The following KCNIP4 variants were observed in gnomAD, a reference collection of about 807,000 sequenced individuals.
KCNIP4 encodes the protein Kv channel-interacting protein 4.
Under a neutral mutation model 34.0 loss-of-function variants are expected in KCNIP4, and 12 were observed. The ratio of observed to expected loss-of-function variants is 0.35; its 90% confidence interval spans 0.23 to 0.57. The LOEUF is 0.57. KCNIP4 is among the 20% of genes least tolerant of loss of function. KCNIP4 has a pLI of 0.83. For synonymous variants in KCNIP4, 124 were observed against 102.2 expected, an observed-to-expected ratio of 1.21 and a Z score of -1.29; for missense variants, 238 against 311.7, an observed-to-expected ratio of 0.76 and a Z score of 1.78.
At chr4:21,717,373 T>C in intron 1 of KCNIP4, among the ~76,000 whole-genome samples, 1 of 152,308 alleles carries the variant, frequency 6.6e-6, no homozygotes, top group East Asian at 1.9e-4. Context: ...TTTCACAATA[T>C]TATCTATATA....
intron 1 of KCNIP4, among the ~76,000 whole-genome samples, chr4:21,808,490 T>C (rs1272838714): frequency 1.3e-5 from 2 of 152,172 alleles, no homozygotes; most frequent in Non-Finnish European, 2.9e-5. Context: ...AAGAATACAG[T>C]ATATAAAACA....
At chr4:21,240,711 G>C (rs958014100) in intron 1 of KCNIP4, among the ~76,000 whole-genome samples, 1 of 152,266 alleles carries the variant, frequency 6.6e-6, no homozygotes. Context: ...TTGAACTGGA[G>C]AACATGGAAA....
chr4:21,754,921 C>T (rs755514975), intron 1 of KCNIP4, among the ~76,000 whole-genome samples: 91 of 152,082 alleles, frequency 6.0e-4, no homozygotes, highest in Non-Finnish European at 4.6e-4. Flanking sequence ...CCGAGGTGGG[C>T]GGATCACCTG....
At chr4:21,878,593 A>C (rs1361199745) in intron 1 of KCNIP4, among the ~76,000 whole-genome samples, 2 of 152,234 alleles carry the variant, frequency 1.3e-5, no homozygotes, top group Admixed American at 6.5e-5. Flanking sequence ...AATACCCAAG[A>C]TGACAATGAG....
chr4:20,852,167 TAACCAA>T (rs74360785), intron 2 of KCNIP4, among the ~76,000 whole-genome samples: 53,322 of 151,812 alleles, frequency 0.35, 10,332 homozygotes, highest in Admixed American at 0.46. Flanking sequence ...GCAAATGACA[TAACCAA>T]AAGAGAACAC....
At chr4:20,811,984 C>T (rs1027390871) in intron 3 of KCNIP4, among the ~76,000 whole-genome samples, 2 of 152,128 alleles carry the variant, frequency 1.3e-5, no homozygotes, top group Non-Finnish European at 2.9e-5. Context: ...AGACAGGCCA[C>T]TAAATTAAAT....
intron 1 of KCNIP4, among the ~76,000 whole-genome samples, chr4:21,108,922 G>T (rs1748852779): frequency 6.6e-6 from 1 of 152,194 alleles, no homozygotes; most frequent in Admixed American, 6.5e-5. Context: ...GGATTTTCGT[G>T]AACCACGAAT....
intron 1 of KCNIP4, among the ~76,000 whole-genome samples, chr4:21,569,265 A>AAAAAAAATT (rs1740170364): frequency 8.1e-6 from 1 of 123,278 alleles, no homozygotes; most frequent in Non-Finnish European, 1.8e-5. Flanking sequence ...AAAAAAAAAA[A>AAAAAAAATT]GCTTGATTGA....
chr4:21,880,554 G>A (rs145456184), intron 1 of KCNIP4, among the ~76,000 whole-genome samples: 92 of 152,206 alleles, frequency 6.0e-4, no homozygotes, highest in African/African-American at 2.1e-3. Flanking sequence ...ATTAGTCATA[G>A]TTCTTCCTTG....
intron 1 of KCNIP4, among the ~76,000 whole-genome samples, chr4:20,968,625 C>T (rs1295382048): frequency 3.9e-5 from 6 of 152,104 alleles, no homozygotes; most frequent in African/African-American, 1.2e-4. Flanking sequence ...ATGTCCTTTG[C>T]AGGGACATGG....
At chr4:20,865,939 G>A (rs534156908) in intron 2 of KCNIP4, among the ~76,000 whole-genome samples, 22 of 151,996 alleles carry the variant, frequency 1.4e-4, no homozygotes, top group East Asian at 1.9e-4. Context: ...ACATCAAAAC[G>A]TCATGTTGTA....
intron 1 of KCNIP4, among the ~76,000 whole-genome samples, chr4:21,646,944 A>G (rs1376368980): frequency 8.5e-5 from 13 of 152,136 alleles, no homozygotes; most frequent in Admixed American, 7.9e-4. Context: ...TCTTCTAATC[A>G]TTCTTATTTT....
At chr4:21,905,666 T>A (rs1470764982) in intron 1 of KCNIP4, among the ~76,000 whole-genome samples, 1 of 152,166 alleles carries the variant, frequency 6.6e-6, no homozygotes, top group Non-Finnish European at 1.5e-5. Context: ...CGGGCTCTCC[T>A]TTCTTTCAAA....
chr4:21,257,780 G>T (rs1461116286), intron 1 of KCNIP4, among the ~76,000 whole-genome samples: 4 of 149,824 alleles, frequency 2.7e-5, no homozygotes, highest in African/African-American at 9.8e-5. Flanking sequence ...GAAAGAAAAA[G>T]AAACACCAGG....
At chr4:21,645,274 AT>A in intron 1 of KCNIP4, among the ~76,000 whole-genome samples, 1 of 152,288 alleles carries the variant, frequency 6.6e-6, no homozygotes, top group South Asian at 2.1e-4. Context: ...GGTTAAATAA[AT>A]TGCCCATATC....
chr4:21,762,420 T>C (rs1285307975), intron 1 of KCNIP4, among the ~76,000 whole-genome samples: 2 of 152,148 alleles, frequency 1.3e-5, no homozygotes, highest in Non-Finnish European at 2.9e-5. Context: ...TGTTGTCTTT[T>C]CTCATTATGT....
intron 1 of KCNIP4, among the ~76,000 whole-genome samples, chr4:20,900,632 C>A (rs748827700): frequency 1.3e-5 from 2 of 152,180 alleles, no homozygotes; most frequent in African/African-American, 4.8e-5. Context: ...GGGAGACAAG[C>A]ACGTTCAGAA....
chr4:21,947,005 A>G (rs939675541), intron 1 of KCNIP4, among the ~76,000 whole-genome samples: 24 of 152,342 alleles, frequency 1.6e-4, no homozygotes, highest in African/African-American at 5.3e-4. Flanking sequence ...AGGTACAGTC[A>G]AAGAGCTGTG....
chr4:20,984,082 G>C, intron 1 of KCNIP4: 1 of 1,211,288 alleles, frequency 8.3e-7, no homozygotes, highest in South Asian at 1.6e-5. Flanking sequence ...GCGGCCCCCC[G>C]GGGTGAGGAC....
Sources: gnomAD v4.1 joint callset for allele counts (sites outside exome capture counted in the v4.1 genomes callset) on GRCh38, gnomAD v4.1.1 for gene constraint, MANE v1.5 for transcripts, NCBI Gene and HGNC (gene_info 2026-07-23, HGNC 2026-07-21) for gene names.